SLC5A9: variants seen among roughly 807,000 people sequenced by gnomAD.
SLC5A9 encodes the protein sodium/glucose cotransporter 4.
SLC5A9 carries 59 observed loss-of-function variants against 70.9 expected under a neutral mutation model. The ratio of observed to expected loss-of-function variants is 0.83; its 90% CI spans 0.68 to 1.03. SLC5A9 has a LOEUF of 1.03. Among genes scored for constraint, SLC5A9 ranks in the 50% least tolerant of loss-of-function variants. The pLI is 0.00. For missense variants in SLC5A9, 832 were observed against 881.1 expected (o/e 0.94, Z 0.71); for synonymous variants, 340 against 346.5 (o/e 0.98, Z 0.21).
intron 8 of SLC5A9, 92 bp downstream of exon 8, chr1:48,232,594 C>A: frequency 1.3e-6 from 2 of 1,536,406 alleles, no homozygotes; most frequent in Non-Finnish European, 1.8e-6. Context: ...AATGTTAGGC[C>A]AGAGCAGGGG....
At chr1:48,226,801 G>A (rs1644153706) in intron 2 of SLC5A9, among the ~76,000 whole-genome samples, 1 of 152,176 alleles carries the variant, frequency 6.6e-6, no homozygotes, top group South Asian at 2.1e-4. Context: ...GGCTGGGTTG[G>A]GGTGGAGGTG....
Position 48,229,328 on chromosome 1 carries a change from T to C in SLC5A9, c.373T>C (p.Phe125Leu), listed in dbSNP as rs1557469892. 3 of 1,614,180 alleles carry C rather than the reference T, an allele frequency of 1.9e-6. No individual in the cohort carries two copies. In the South Asian group the frequency reaches 3.3e-5, roughly 18 times the overall value. ...GCTGCTCCTGGCCCTTGGCTGGGTCTTCGTCCCTGTGTACATCGCAGCAGG... is the reference window on the plus strand; with the variant it reads ...GCTGCTCCTGGCCCTTGGCTGGGTCCTCGTCCCTGTGTACATCGCAGCAGG... ...TWLLLALGWV[F>L]VPVYIAAGVV... The change falls in exon 4 of 14, where the codon TTC (phenylalanine) becomes CTC (leucine). Residue 125 changes from phenylalanine (F) to leucine (L), a missense_variant. Physicochemically the swap from Phe to Leu is conservative, Grantham distance 22. Coordinates refer to ENST00000438567, the MANE Select transcript of SLC5A9 (RefSeq NM_001011547.3).
At chr1:48,233,625 G>T (rs961943575) in intron 8 of SLC5A9, 30 bp from the exon 9 acceptor site, 6 of 1,574,942 alleles carry the variant, frequency 3.8e-6, no homozygotes, top group Non-Finnish European at 5.2e-6. Flanking sequence ...ACGAGATCAC[G>T]GACTCTAACT....
chr1:48,241,858 C>T (rs1644395152), intron 12 of SLC5A9: 1 of 450,384 alleles, frequency 2.2e-6, no homozygotes, highest in African/African-American at 2.0e-5. Context: ...AACCCTGGAG[C>T]CATATTAGCC....
intron 13 of SLC5A9, 64 bp downstream of exon 13, chr1:48,242,680 G>T: frequency 2.1e-6 from 3 of 1,453,530 alleles, no homozygotes; most frequent in East Asian, 2.4e-5. Flanking sequence ...CCTATGTCAT[G>T]GGCGGTCTTT....
At chr1:48,229,529 T>A in intron 4 of SLC5A9, 70 bp downstream of exon 4, 1 of 1,577,632 alleles carries the variant, frequency 6.3e-7, no homozygotes, top group Non-Finnish European at 8.6e-7. Context: ...TGCATCACCA[T>A]GTGCGTGTTG....
At position 48,239,531 on chromosome 1, in the gene SLC5A9, G is replaced by A; in HGVS notation, c.1671G>A (p.Glu557=). 1.2e-6 allele frequency: 2 copies of A among 1,614,116 alleles called. No individual in the cohort carries two copies. Among genetic ancestry groups the A allele is most frequent in the Non-Finnish European group, 1.7e-6 (2 of 1,179,978 alleles). Residue 557 remains glutamate (E), a synonymous_variant, in exon 12 of 14, where the codon GAG becomes GAA. Coordinates refer to ENST00000438567, the MANE Select transcript of SLC5A9 (RefSeq NM_001011547.3). This position sits in a 1 kb window ranked among gnomAD's most constrained non-coding sequence, Gnocchi z 4.2. ...GCCTCTGTACAACTCCCATCCCTGA[G>A]GAACAGGCAAGTGTTGTGCTCATAC... is the stretch of plus-strand genomic sequence containing the variant. ...IVSLCTTPIP[E]EQLTRLTWWT...
chr1:48,238,923 C>T (rs1456847672), intron 11 of SLC5A9, among the ~76,000 whole-genome samples: 1 of 152,194 alleles, frequency 6.6e-6, no homozygotes, highest in Non-Finnish European at 1.5e-5. Context: ...GGAAGGGGAT[C>T]CTGGTATTCC....
chr1:48,230,769 G>T, intron 5 of SLC5A9, 64 bp downstream of exon 5: 1 of 1,228,480 alleles, frequency 8.1e-7, no homozygotes, highest in South Asian at 1.2e-5. Flanking sequence ...GAGAAAGACT[G>T]AAGGAGAGAC....
intron 10 of SLC5A9, among the ~76,000 whole-genome samples, chr1:48,236,415 G>A (rs1644328084): frequency 6.6e-6 from 1 of 152,160 alleles, no homozygotes. Flanking sequence ...CGTCAATGGA[G>A]ATTTTCATAG....
At chr1:48,246,931 C>A (rs992980450) in intron 13 of SLC5A9, among the ~76,000 whole-genome samples, 1 of 152,232 alleles carries the variant, frequency 6.6e-6, no homozygotes, top group Non-Finnish European at 1.5e-5. Context: ...GTGGTTGTAG[C>A]AGTCTGTCTG....
At position 48,247,412 on chromosome 1, in the gene SLC5A9, C is replaced by A; in HGVS notation, c.1915C>A (p.Pro639Thr). Reference protein sequence around the residue: ...LSGTPEQALSPAEKAALEQKL... With the variant: ...LSGTPEQALSTAEKAALEQKL... Reference sequence around the variant, plus strand: ...TGGAACACCGGAGCAGGCCCTGAGCCCAGCAGAGAAGGCTGCGCTAGAACA... The same window carrying A: ...TGGAACACCGGAGCAGGCCCTGAGCACAGCAGAGAAGGCTGCGCTAGAACA... The change falls in exon 14 of 14, where the codon CCA becomes ACA. Residue 639 changes from proline (P) to threonine (T), a missense_variant. By Grantham distance (38) the Pro-to-Thr change is conservative (BLOSUM62 -1). Coordinates refer to ENST00000438567, the MANE Select transcript of SLC5A9 (RefSeq NM_001011547.3). The A allele has an allele frequency of 6.2e-7, 1 of 1,614,080 alleles. No individual in the cohort carries two copies. The highest frequency in any genetic ancestry group is 8.5e-7 in the Non-Finnish European group (1 of 1,180,016).
chr1:48,247,693 GCACACTT>G lies in SLC5A9; in HGVS notation c.*151_*157del. On this transcript the variant is annotated 3_prime_UTR_variant, in exon 14 of 14. Coordinates refer to ENST00000438567, the MANE Select transcript of SLC5A9 (RefSeq NM_001011547.3). ...CCCTGAAGAGAATCCAACTCAACCTGCACACTTGACAAGTGGAGAAACAGAAGCCCAG... is the reference window on the plus strand; with the variant it reads ...CCCTGAAGAGAATCCAACTCAACCTGGACAAGTGGAGAAACAGAAGCCCAG... 1 of 726,870 alleles carries G rather than the reference GCACACTT, an allele frequency of 1.4e-6. No individual in the cohort carries two copies. The highest frequency in any genetic ancestry group is 2.3e-6 in the Non-Finnish European group (1 of 432,844). 45.0% of individuals were successfully genotyped at this position (726,870 alleles called of 1,614,324 possible).
intron 2 of SLC5A9, chr1:48,227,844 G>A (rs1169693947): frequency 1.3e-5 from 2 of 152,318 alleles, no homozygotes; most frequent in Non-Finnish European, 2.9e-5. Context: ...AAGTTGGGCG[G>A]AAGTGAGTCC....
intron 11 of SLC5A9, 134 bp downstream of exon 11, chr1:48,237,981 C>G (rs1644350963): frequency 3.4e-6 from 3 of 884,550 alleles, no homozygotes; most frequent in Admixed American, 5.8e-5. Flanking sequence ...CAGCATCCAG[C>G]CTAGATTCAT....
rs1025626215 is a variant in SLC5A9 at position 48,228,655 on chromosome 1, T to C, written c.235-195T>C. The C allele has an allele frequency of 1.0e-5, 9 of 866,484 alleles. No individual in the cohort carries two copies. The Admixed American group carries it at 1.8e-4, about 17-fold the overall frequency. The allele number at this position is 866,484 out of a possible 1,614,324, so 53.7% of individuals were successfully genotyped here. A position where few individuals can be genotyped will look rare whatever the true frequency, so the allele number is the denominator to read the frequency against. On this transcript the variant is annotated intron_variant, in intron 2 of 13. Coordinates refer to ENST00000438567, the MANE Select transcript of SLC5A9 (RefSeq NM_001011547.3). ...ATGAATTCATCTTTCCTTACATTAGTTCCTTCCTCTGTAACCTGGGATGAC... is the reference window on the plus strand; with the variant it reads ...ATGAATTCATCTTTCCTTACATTAGCTCCTTCCTCTGTAACCTGGGATGAC...
chr1:48,234,357 G>A (rs1017308603), intron 9 of SLC5A9, among the ~76,000 whole-genome samples: 1 of 152,192 alleles, frequency 6.6e-6, no homozygotes, highest in Non-Finnish European at 1.5e-5. Context: ...AGAGCAGAGC[G>A]CTGGGACACT....
Position 48,229,381 on chromosome 1 carries a change from G to T in SLC5A9, c.426G>T (p.Lys142Asn), listed in dbSNP as rs375167432. The T allele has an allele frequency of 4.3e-6, 7 of 1,614,068 alleles. No homozygotes were observed. The highest frequency in any genetic ancestry group is 2.7e-5 in the African/African-American group (2 of 74,908). ...TGGTCACAATGCCGCAGTATCTGAA[G>T]AAGCGATTTGGGGGCCAGAGGATCC... ...AGVVTMPQYL[K>N]KRFGGQRIQV... The change falls in exon 4 of 14, where the codon AAG becomes AAT. Residue 142 changes from lysine to asparagine, a missense_variant. Lys to Asn is a moderately conservative substitution (Grantham distance 94). Transcript: ENST00000438567.
chr1:48,234,350 G>T (rs1348310226), intron 9 of SLC5A9, among the ~76,000 whole-genome samples: 1 of 152,214 alleles, frequency 6.6e-6, no homozygotes, highest in Non-Finnish European at 1.5e-5. Context: ...TTGTTCTAGA[G>T]CAGAGCGCTG....
Sources: allele counts gnomAD v4.1 joint callset (sites outside exome capture counted in the v4.1 genomes callset), GRCh38; gene constraint gnomAD v4.1.1; non-coding constraint Gnocchi (gnomAD v3.1); transcripts MANE v1.5; gene names NCBI Gene and HGNC (gene_info 2026-07-23, HGNC 2026-07-21).